The following NCKAP1 variants were observed in gnomAD, a reference collection of about 807,000 sequenced individuals.
NCKAP1 encodes the protein nck-associated protein 1.
A neutral mutation model predicts 151.2 loss-of-function variants in NCKAP1; 21 were observed. That is an observed-to-expected ratio of 0.14 (90% CI 0.10 to 0.20). The LOEUF (loss-of-function observed/expected upper bound fraction) is 0.20. NCKAP1 is among the 10% of genes least tolerant of loss of function. The pLI is 1.00. For missense variants in NCKAP1, 933 were observed against 1,352.1 expected (o/e 0.69, Z 4.86); for synonymous variants, 484 against 451.8 (o/e 1.07, Z -0.90).
At position 182,919,853 on chromosome 2, in the gene NCKAP1, T is replaced by C. The variant is rs1421104343; in HGVS notation, c.*5849A>G. 6.6e-6 allele frequency: 1 copy of C among 152,310 alleles called. No individual in the cohort carries two copies. The highest frequency in any genetic ancestry group is 1.9e-4 in the East Asian group (1 of 5,184). The allele number at this position is 152,310 out of a possible 1,614,324, so 9.4% of individuals were successfully genotyped here. On this transcript the variant is annotated 3_prime_UTR_variant, in exon 31 of 31. Coordinates refer to ENST00000361354, the MANE Select transcript of NCKAP1 (RefSeq NM_013436.5). ...TTTTAGTAGAGACAGGGTTTCACCA[T>C]GTTGGCCAGGTTGGTCTCAATCTCT...
chr2:183,025,709 ATTC>A (rs984636555), intron 1 of NCKAP1, among the ~76,000 whole-genome samples: 5 of 152,286 alleles, frequency 3.3e-5, no homozygotes, highest in South Asian at 4.1e-4. Context: ...TCCAATTTAT[ATTC>A]TTCTCCCCAA....
At chr2:182,981,461 A>T (rs1009283139) in intron 12 of NCKAP1, 85 bp from the exon 13 acceptor site, 1 of 1,098,664 alleles carries the variant, frequency 9.1e-7, no homozygotes, top group Admixed American at 2.4e-5. Context: ...TCTTATTTCT[A>T]AAAGTATTTT....
rs540773303 is a variant in NCKAP1, at chr2:182,930,869, TAGA to T, written c.2860-84_2860-82del. The T allele has an allele frequency of 3.5e-3, 4,212 of 1,216,516 alleles. 26 individuals carry two copies. Among genetic ancestry groups the T allele is most frequent in the Middle Eastern group, 5.5e-3 (24 of 4,342 alleles). 75.4% of individuals were successfully genotyped at this position (1,216,516 alleles called of 1,614,324 possible). On this transcript the variant is annotated intron_variant, in intron 26 of 30. Coordinates refer to ENST00000361354, the MANE Select transcript of NCKAP1 (RefSeq NM_013436.5). Reference sequence around the variant, plus strand: ...AGCTCACTGTTTATTAGAGTCTGCCTAGAAGAACACCAGAGAATTTCGGAAACT... The same window carrying T: ...AGCTCACTGTTTATTAGAGTCTGCCTAGAACACCAGAGAATTTCGGAAACT...
chr2:182,938,211 A>C (rs1230539375), intron 24 of NCKAP1, among the ~76,000 whole-genome samples: 1 of 152,206 alleles, frequency 6.6e-6, no homozygotes, highest in African/African-American at 2.4e-5. Context: ...AATAGAAGAG[A>C]GTTAAGGCTG....
chr2:182,960,057 A>T (rs992513905), intron 18 of NCKAP1, among the ~76,000 whole-genome samples: 1 of 152,218 alleles, frequency 6.6e-6, no homozygotes, highest in African/African-American at 2.4e-5. Context: ...GAGAACTACA[A>T]ATCACTGCTC....
intron 26 of NCKAP1, among the ~76,000 whole-genome samples, chr2:182,933,768 C>T (rs1031627471): frequency 6.6e-6 from 1 of 152,026 alleles, no homozygotes; most frequent in African/African-American, 2.4e-5. Context: ...AGTTTAGACA[C>T]TATTTTTTTC....
intron 23 of NCKAP1, among the ~76,000 whole-genome samples, chr2:182,951,097 G>A (rs1242157581): frequency 6.6e-6 from 1 of 151,836 alleles, no homozygotes; most frequent in Non-Finnish European, 1.5e-5. Flanking sequence ...CTCCCAAAGT[G>A]CTGGATTACA....
chr2:183,031,548 T>C (rs1699004173), intron 1 of NCKAP1, among the ~76,000 whole-genome samples: 1 of 152,024 alleles, frequency 6.6e-6, no homozygotes, highest in South Asian at 2.1e-4. Flanking sequence ...TCCTAAAAGG[T>C]AGTCTTGAGC....
intron 18 of NCKAP1, 91 bp from the exon 19 acceptor site, chr2:182,957,687 G>C (rs1346763080): frequency 7.5e-7 from 1 of 1,332,408 alleles, no homozygotes; most frequent in Non-Finnish European, 1.0e-6. Flanking sequence ...AATCCAGGCT[G>C]TGTTGCAAAT....
At chr2:183,032,306 G>C (rs1383653214) in intron 1 of NCKAP1, among the ~76,000 whole-genome samples, 1 of 152,166 alleles carries the variant, frequency 6.6e-6, no homozygotes, top group Non-Finnish European at 1.5e-5. Context: ...TAGAAAATAA[G>C]TGAAGTTTAG....
intron 2 of NCKAP1, among the ~76,000 whole-genome samples, chr2:183,009,429 A>T (rs1210144118): frequency 2.7e-5 from 2 of 73,442 alleles, no homozygotes; most frequent in Non-Finnish European, 5.8e-5. Context: ...AAGGGAAGGA[A>T]GGAAGGAAGG....
intron 1 of NCKAP1, among the ~76,000 whole-genome samples, chr2:183,036,544 C>T (rs1470609275): frequency 6.6e-6 from 1 of 152,078 alleles, no homozygotes; most frequent in African/African-American, 2.4e-5. Context: ...AATTTATAAC[C>T]TAGGCTCCTT....
intron 6 of NCKAP1, among the ~76,000 whole-genome samples, chr2:182,996,535 G>A (rs1698273269): frequency 6.6e-6 from 1 of 151,990 alleles, no homozygotes; most frequent in Non-Finnish European, 1.5e-5. Flanking sequence ...TCAGCTCACT[G>A]CAAGCTCCGC....
intron 6 of NCKAP1, among the ~76,000 whole-genome samples, chr2:182,998,221 G>A (rs574164057): frequency 9.9e-5 from 15 of 152,052 alleles, no homozygotes; most frequent in African/African-American, 2.9e-4. Context: ...GCCAATATAC[G>A]GAATGGGCAA....
intron 2 of NCKAP1, among the ~76,000 whole-genome samples, chr2:183,007,649 G>T (rs1332993237): frequency 6.6e-6 from 1 of 152,004 alleles, no homozygotes; most frequent in African/African-American, 2.4e-5. Flanking sequence ...AGTTTTGCTA[G>T]CATTTGTTCC....
At chr2:182,989,274 C>T (rs777922480) in intron 8 of NCKAP1, 88 bp from the exon 9 acceptor site, 37 of 1,009,520 alleles carry the variant, frequency 3.7e-5, no homozygotes, top group Middle Eastern at 2.1e-4. Flanking sequence ...AATACAGAAA[C>T]GTAACCACGA....
At chr2:182,978,666 T>C (rs1289817905) in intron 14 of NCKAP1, among the ~76,000 whole-genome samples, 168 bp downstream of exon 14, 2 of 152,144 alleles carry the variant, frequency 1.3e-5, no homozygotes, top group African/African-American at 4.8e-5. Context: ...ATTATTATTT[T>C]TGTAAATAGC....
In NCKAP1 at chr2:182,981,333, G is replaced by T; in HGVS notation, c.1252C>A (p.His418Asn). Residue 418 changes from histidine to asparagine, a missense_variant, in exon 13 of 31, where the codon CAT becomes AAT. This residue lies in a region of NCKAP1 where 607 missense variants were observed against 795.0 expected (regional missense o/e 0.76). Coordinates refer to ENST00000361354, the MANE Select transcript of NCKAP1 (RefSeq NM_013436.5). The part of the protein sequence containing the change: ...LIFYMEELRA[H>N]VRKYGPVMQR... ...ATTACAGGTCCGTATTTCCTCACAT[G>T]TGCTCTAAGTTCTTCCATGTAAAAT... The T allele has an allele frequency of 6.2e-7, 1 of 1,613,240 alleles. No individual in the cohort carries two copies. The highest frequency in any genetic ancestry group is 8.5e-7 in the Non-Finnish European group (1 of 1,179,330).
At chr2:183,025,108 C>T (rs1004824769) in intron 1 of NCKAP1, 3 of 942,160 alleles carry the variant, frequency 3.2e-6, no homozygotes, top group East Asian at 5.3e-5. Flanking sequence ...AATAACAGAA[C>T]AAGATTAGAA....
Sources: allele counts gnomAD v4.1 joint callset (sites outside exome capture counted in the v4.1 genomes callset), GRCh38; gene constraint gnomAD v4.1.1; regional missense constraint gnomAD v4.1.1; transcripts MANE v1.5; gene names NCBI Gene and HGNC (gene_info 2026-07-23, HGNC 2026-07-21).